TMPO: variants seen among roughly 807,000 people sequenced by gnomAD.
TMPO encodes the protein thymopoietin, also known as LEM domain containing 4.
Under a neutral mutation model 45.4 loss-of-function variants are expected in TMPO, and 22 were observed. The observed-to-expected ratio is 0.48, with a 90% CI of 0.35 to 0.69. The LOEUF (loss-of-function observed/expected upper bound fraction) is 0.69. Ranked by LOEUF, TMPO falls within the 30% of genes least tolerant of loss-of-function variation. The probability of loss-of-function intolerance (pLI) is 0.01; values close to 1 mark genes in which losing one functional copy is unlikely to be tolerated. For missense variants in TMPO, 512 were observed against 548.8 expected, an observed-to-expected ratio of 0.93 and a Z score of 0.67; for synonymous variants, 241 against 204.1, an observed-to-expected ratio of 1.18 and a Z score of -1.54.
intron 1 of TMPO, among the ~76,000 whole-genome samples, chr12:98,517,665 A>G (rs1875967453): frequency 6.6e-6 from 1 of 152,264 alleles, no homozygotes; most frequent in African/African-American, 2.4e-5. Context: ...AAACGTCTTC[A>G]GTCCGGTGTC....
chr12:98,533,992 G>A lies in TMPO; in HGVS notation c.565+2154G>A. On this transcript the variant is annotated intron_variant, in intron 3 of 8. Coordinates refer to ENST00000556029, the MANE Select transcript of TMPO (RefSeq NM_001032283.3). ...TAGAGCATATGAAGCTGCAGCATCA[G>A]CATTGCAGATTGCAACTCACACTGC... 1 of 1,608,770 alleles carries A rather than the reference G, an allele frequency of 6.2e-7. No homozygotes were observed. The highest frequency in any genetic ancestry group is 8.5e-7 in the Non-Finnish European group (1 of 1,176,146).
intron 1 of TMPO, 141 bp downstream of exon 1, chr12:98,516,287 C>G: frequency 8.1e-7 from 1 of 1,242,032 alleles, no homozygotes; most frequent in Non-Finnish European, 1.0e-6. Context: ...CTCGCGTCGC[C>G]CCTTCCCCGC....
At position 98,515,787 on chromosome 12, in the gene TMPO, C is replaced by G; in HGVS notation, c.-81C>G. ...GCCGTGAGGCTCGGAGGCGGCAGCG[C>G]GGTCCCCGGCCAGGAGCAAGCGCGC... is the stretch of plus-strand genomic sequence containing the variant. On this transcript the variant is annotated 5_prime_UTR_variant, in exon 1 of 9. Transcript: ENST00000556029. 1 of 1,551,978 alleles carries G rather than the reference C, an allele frequency of 6.4e-7. No individual in the cohort carries two copies.
chr12:98,544,191 G>A lies in TMPO; in HGVS notation c.664-39G>A, dbSNP rs1454148576. The A allele has an allele frequency of 5.6e-6, 9 of 1,610,552 alleles. No individual in the cohort carries two copies. In the South Asian group the frequency reaches 8.8e-5, roughly 16 times the overall value. On this transcript the variant is annotated intron_variant, in intron 4 of 8. Coordinates refer to ENST00000556029, the MANE Select transcript of TMPO (RefSeq NM_001032283.3). The stretch of plus-strand genomic sequence containing the variant: ...TATGGCCGTTATTAAAGTATTTGAT[G>A]TTAGAATATGACTTTTTAATGTGTT...
chr12:98,540,103 C>A (rs1001627510), intron 4 of TMPO, among the ~76,000 whole-genome samples: 1 of 152,184 alleles, frequency 6.6e-6, no homozygotes, highest in Non-Finnish European at 1.5e-5. Flanking sequence ...AACTTTTTCT[C>A]TTCCCTCCAT....
intron 2 of TMPO, among the ~76,000 whole-genome samples, chr12:98,529,547 G>A (rs1877034837): frequency 1.3e-5 from 2 of 152,114 alleles, no homozygotes; most frequent in Non-Finnish European, 2.9e-5. Flanking sequence ...ATAACCTCAA[G>A]ATGAGAAAAT....
intron 1 of TMPO, among the ~76,000 whole-genome samples, chr12:98,527,314 A>G (rs1463015292): frequency 1.4e-5 from 2 of 145,900 alleles, no homozygotes; most frequent in Non-Finnish European, 3.0e-5. Context: ...CCTGGGCAAC[A>G]TGGCAAAAAC....
At position 98,531,884 on chromosome 12, in the gene TMPO, A is replaced by G. The variant is rs1365291158; in HGVS notation, c.565+46A>G. 3.2e-6 allele frequency: 5 copies of G among 1,546,018 alleles called. No homozygotes were observed. In the African/African-American group the frequency reaches 6.9e-5, roughly 21 times the overall value. ...AATCAAATGTATGGAATTTTTTCAC[A>G]CTCAAAATTCAGTGACCATGAAGAA... On this transcript the variant is annotated intron_variant, in intron 3 of 8. Coordinates refer to ENST00000556029, the MANE Select transcript of TMPO (RefSeq NM_001032283.3).
At chr12:98,521,100 A>ATTTTGTTTTTTTTTTTTTTT (rs1876324251) in intron 1 of TMPO, among the ~76,000 whole-genome samples, 1 of 76,756 alleles carries the variant, frequency 1.3e-5, no homozygotes, top group Admixed American at 1.7e-4. Context: ...TTTATGAGGA[A>ATTTTGTTTTTTTTTTTTTTT]TTTTTTTTTT....
At position 98,537,407 on chromosome 12, in the gene TMPO, A is replaced by G. The variant is rs1043403732; in HGVS notation, c.566-68A>G. 1.1e-5 allele frequency: 15 copies of G among 1,334,170 alleles called. No individual in the cohort carries two copies. The African/African-American group carries it at 2.0e-4, about 18-fold the overall frequency. 82.6% of individuals were successfully genotyped at this position (1,334,170 alleles called of 1,614,324 possible). On this transcript the variant is annotated intron_variant, in intron 3 of 8. Transcript: ENST00000556029. ...TGCCTAAAACCAGGGTTCCCGATTA[A>G]TATTAGGATAACATCATCATTTATT... is the stretch of plus-strand genomic sequence containing the variant.
chr12:98,547,834 T>C lies in TMPO; in HGVS notation c.1341T>C (p.His447=). 3 of 1,614,110 alleles carry C rather than the reference T, an allele frequency of 1.9e-6. No homozygotes were observed. Among genetic ancestry groups the C allele is most frequent in the Non-Finnish European group, 2.5e-6 (3 of 1,180,020 alleles). ...NQVNPFSNFL[H]VDPRKSN ...TAAATCCCTTCTCTAATTTTCTTCA[T>C]GTTGACCCTAGAAAATCCAACTGAA... Residue 447 remains histidine (H), a synonymous_variant, in exon 9 of 9, where the codon CAT becomes CAC. Transcript: ENST00000556029.
chr12:98,523,971 C>T (rs1455026634), intron 1 of TMPO, among the ~76,000 whole-genome samples: 2 of 152,042 alleles, frequency 1.3e-5, no homozygotes, highest in Non-Finnish European at 2.9e-5. Flanking sequence ...GAGCCACTGC[C>T]GAGAATTGGT....
intron 8 of TMPO, among the ~76,000 whole-genome samples, chr12:98,547,121 G>A (rs1878272450): frequency 6.7e-6 from 1 of 148,998 alleles, no homozygotes; most frequent in African/African-American, 2.5e-5. Flanking sequence ...TGTTGCCCAG[G>A]CTGGAGTACA....
chr12:98,546,623 C>CT (rs1878243599), intron 8 of TMPO, among the ~76,000 whole-genome samples, 176 bp downstream of exon 8: 1 of 152,148 alleles, frequency 6.6e-6, no homozygotes, highest in East Asian at 1.9e-4. Flanking sequence ...AGGTGGATTG[C>CT]TTAAGCCCAG....
intron 4 of TMPO, among the ~76,000 whole-genome samples, chr12:98,539,160 A>G (rs1468631020): frequency 1.3e-5 from 2 of 152,072 alleles, no homozygotes; most frequent in Non-Finnish European, 2.9e-5. Context: ...AGATCGCGCC[A>G]TTGCACTCTA....
chr12:98,544,892 T>C (rs1878130301), intron 6 of TMPO, 59 bp from the exon 7 acceptor site: 2 of 1,285,688 alleles, frequency 1.6e-6, no homozygotes, highest in East Asian at 4.6e-5. Context: ...TTCTTTTCTT[T>C]TTAAGTGTCT....
rs946695272 is a variant in TMPO, at chr12:98,516,472, C to T, written c.279+326C>T. The stretch of plus-strand genomic sequence containing the variant: ...CAGCGGGCGTTTAGACGGGGACTTC[C>T]GTGCCCTTTCGAAAGCTCTGGAGGG... On this transcript the variant is annotated intron_variant, in intron 1 of 8. Coordinates refer to ENST00000556029, the MANE Select transcript of TMPO (RefSeq NM_001032283.3). The T allele has an allele frequency of 1.2e-5, 13 of 1,120,476 alleles. No individual in the cohort carries two copies. In the African/African-American group the frequency reaches 2.2e-4, roughly 19 times the overall value. 69.4% of individuals were successfully genotyped at this position (1,120,476 alleles called of 1,614,324 possible).
rs889989804 is a variant in TMPO at position 98,533,172 on chromosome 12, C to T, written c.565+1334C>T. The T allele has an allele frequency of 6.2e-7, 1 of 1,614,146 alleles. No homozygotes were observed. The highest frequency in any genetic ancestry group is 1.3e-5 in the African/African-American group (1 of 75,056). On this transcript the variant is annotated intron_variant, in intron 3 of 8. Transcript: ENST00000556029. ...AGCCTGAACACAGTGCCATGTTGGT[C>T]TCTACTGCAGCTTCTCCTTCACTGA... is the stretch of plus-strand genomic sequence containing the variant.
At chr12:98,527,551 A>G in intron 1 of TMPO, 1 of 208,262 alleles carries the variant, frequency 4.8e-6, no homozygotes, top group South Asian at 7.2e-5. Flanking sequence ...AAGGTTATTT[A>G]AAAGAAAATG....
Sources: gnomAD v4.1 joint callset for allele counts (sites outside exome capture counted in the v4.1 genomes callset) on GRCh38, gnomAD v4.1.1 for gene constraint, MANE v1.5 for transcripts, NCBI Gene and HGNC (gene_info 2026-07-23, HGNC 2026-07-21) for gene names.